The following CD247 variants were observed in gnomAD, a reference collection of about 807,000 sequenced individuals.
CD247 encodes the protein CD247 molecule.
Under a neutral mutation model 30.0 loss-of-function variants are expected in CD247, and 13 were observed. The observed-to-expected ratio is 0.43, with a 90% confidence interval of 0.28 to 0.69. The LOEUF is 0.69. Among genes scored for constraint, CD247 ranks in the 30% least tolerant of loss-of-function variants. The pLI is 0.16. For missense variants in CD247, 193 were observed against 212.6 expected (o/e 0.91, Z 0.57); for synonymous variants, 72 against 80.0 (o/e 0.90, Z 0.53).
chr1:167,436,922 T>G (rs960376686), intron 4 of CD247, among the ~76,000 whole-genome samples: 1 of 152,004 alleles, frequency 6.6e-6, no homozygotes, highest in African/African-American at 2.4e-5. Context: ...GTATTGAGGC[T>G]CCACAAAAAA....
intron 1 of CD247, chr1:167,457,240 T>TGACA (rs10522315): frequency 0.26 from 40,223 of 152,090 alleles, 6,623 homozygotes; most frequent in Middle Eastern, 0.41. Flanking sequence ...ATTTAGAGAC[T>TGACA]CTAAGTGGTT....
chr1:167,491,754 C>T (rs925212125), intron 1 of CD247, among the ~76,000 whole-genome samples: 4 of 152,012 alleles, frequency 2.6e-5, no homozygotes, highest in South Asian at 2.1e-4. Flanking sequence ...GAGCAAAATG[C>T]GGCAGATGCA....
At chr1:167,517,138 CTG>C (rs1232570404) in intron 1 of CD247, among the ~76,000 whole-genome samples, 1 of 152,232 alleles carries the variant, frequency 6.6e-6, no homozygotes, top group Non-Finnish European at 1.5e-5. Flanking sequence ...CTCTGCCACA[CTG>C]TGTGTGTGAC....
At chr1:167,449,180 T>A (rs1652244350) in intron 1 of CD247, among the ~76,000 whole-genome samples, 1 of 138,362 alleles carries the variant, frequency 7.2e-6, no homozygotes, top group African/African-American at 2.6e-5. Context: ...TGAGACAGAG[T>A]CTCGCTTTGT....
In CD247 at chr1:167,484,279, C is replaced by T. The variant is rs35048514; in HGVS notation, c.58+34129G>A. Reference sequence around the variant, plus strand: ...ACCAGCTCCCTGCCCATCTTCCTTCCCTCTGTTTCCTCCTCTTCCCTATAG... The same window carrying T: ...ACCAGCTCCCTGCCCATCTTCCTTCTCTCTGTTTCCTCCTCTTCCCTATAG... On this transcript the variant is annotated intron_variant, in intron 1 of 7. Transcript: ENST00000362089. Among the ~76,000 whole-genome samples the T allele has an allele frequency of 5.4e-3, 817 of 152,300 alleles. 5 individuals are homozygous for T. Among genetic ancestry groups the T allele is most frequent in the African/African-American group, 0.019 (791 of 41,558 alleles).
intron 4 of CD247, among the ~76,000 whole-genome samples, chr1:167,438,046 G>T (rs1020784529): frequency 6.6e-6 from 1 of 151,736 alleles, no homozygotes; most frequent in African/African-American, 2.4e-5. Context: ...AAGGAAGGAA[G>T]GAAGGAAATC....
chr1:167,470,483 C>T lies in CD247; in HGVS notation c.59-29716G>A, dbSNP rs1462592389. Among the ~76,000 whole-genome samples, 2 of 91,454 alleles carry T rather than the reference C, an allele frequency of 2.2e-5. 1 individual carries two copies. Among genetic ancestry groups the T allele is most frequent in the Admixed American group, 2.7e-4 (2 of 7,384 alleles). 60.0% of individuals were successfully genotyped at this position (91,454 alleles called of 152,430 possible). On this transcript the variant is annotated intron_variant, in intron 1 of 7. Transcript: ENST00000362089. ...ATTTCCTATATGACTTTTGGGCTTA[C>T]AGAAGTAAAAATGTTAATTGTAAAA...
At chr1:167,511,064 T>C (rs1233658631) in intron 1 of CD247, among the ~76,000 whole-genome samples, 1 of 152,242 alleles carries the variant, frequency 6.6e-6, no homozygotes, top group Non-Finnish European at 1.5e-5. Flanking sequence ...GCACCGAGCC[T>C]GCAGGTGAAC....
At chr1:167,495,051 T>C (rs1196168553) in intron 1 of CD247, among the ~76,000 whole-genome samples, 1 of 152,232 alleles carries the variant, frequency 6.6e-6, no homozygotes, top group African/African-American at 2.4e-5. Context: ...CCCAGGTGGC[T>C]GCCTGGAAGA....
In CD247 at chr1:167,431,329, G is replaced by A. The variant is rs1305070864; in HGVS notation, c.*352C>T. ...CATTAGGGCATGTGCTAGCATCTGC[G>A]CTTTCTCTGGGGACTTTACAAAACA... On this transcript the variant is annotated 3_prime_UTR_variant, in exon 8 of 8. Coordinates refer to ENST00000362089, the MANE Select transcript of CD247 (RefSeq NM_198053.3). The A allele has an allele frequency of 3.4e-5, 20 of 588,638 alleles. No individual in the cohort carries two copies. The highest frequency in any genetic ancestry group is 2.5e-4 in the East Asian group (9 of 36,252). The allele number at this position is 588,638 out of a possible 1,614,324, so 36.5% of individuals were successfully genotyped here. A position where few individuals can be genotyped will look rare whatever the true frequency, so the allele number is the denominator to read the frequency against.
intron 2 of CD247, 42 bp from the exon 3 acceptor site, chr1:167,439,442 C>A: frequency 6.2e-7 from 1 of 1,601,206 alleles, no homozygotes; most frequent in Non-Finnish European, 8.6e-7. Context: ...TCCGCGAGGG[C>A]GCGCAGGGGA....
At chr1:167,510,193 T>C (rs1655329204) in intron 1 of CD247, among the ~76,000 whole-genome samples, 1 of 151,954 alleles carries the variant, frequency 6.6e-6, no homozygotes, top group South Asian at 2.1e-4. Context: ...ACAAAATCAC[T>C]CACTGCTGCA....
intron 1 of CD247, among the ~76,000 whole-genome samples, chr1:167,479,914 A>C (rs1461309654): frequency 1.3e-5 from 2 of 152,152 alleles, no homozygotes; most frequent in Non-Finnish European, 2.9e-5. Flanking sequence ...CTTTGGCATG[A>C]GCTTCGTGAC....
Position 167,475,990 on chromosome 1 carries a change from GTA to G in CD247, c.59-35225_59-35224del, listed in dbSNP as rs533712434. Among the ~76,000 whole-genome samples, 193 of 152,162 alleles carry G rather than the reference GTA, an allele frequency of 1.3e-3. 1 individual carries two copies. Among genetic ancestry groups the G allele is most frequent in the African/African-American group, 4.6e-3 (190 of 41,488 alleles). On this transcript the variant is annotated intron_variant, in intron 1 of 7. Coordinates refer to ENST00000362089, the MANE Select transcript of CD247 (RefSeq NM_198053.3). Reference sequence around the variant, plus strand: ...TTGTAGGAGGGATAATGGTAGTATAGTATATATTTTTTTTCTTTAAAGGGTGC... The same window carrying G: ...TTGTAGGAGGGATAATGGTAGTATAGTATATTTTTTTTCTTTAAAGGGTGC...
intron 1 of CD247, among the ~76,000 whole-genome samples, chr1:167,455,262 C>T (rs1338669614): frequency 6.6e-6 from 1 of 152,252 alleles, no homozygotes; most frequent in Non-Finnish European, 1.5e-5. Context: ...CTCACGCCGC[C>T]TCTCCGCCCT....
chr1:167,493,948 C>A (rs1046373913), intron 1 of CD247, among the ~76,000 whole-genome samples: 4 of 152,188 alleles, frequency 2.6e-5, no homozygotes, highest in Non-Finnish European at 4.4e-5. Context: ...ACCCAAAATA[C>A]CCTATATGCT....
At chr1:167,463,640 C>G (rs1363081328) in intron 1 of CD247, among the ~76,000 whole-genome samples, 1 of 152,188 alleles carries the variant, frequency 6.6e-6, no homozygotes, top group Non-Finnish European at 1.5e-5. Context: ...TAATTTATTA[C>G]TTGGACACCA....
intron 1 of CD247, among the ~76,000 whole-genome samples, chr1:167,443,856 C>T (rs199720174): frequency 1.3e-5 from 2 of 152,278 alleles, no homozygotes; most frequent in African/African-American, 2.4e-5. Flanking sequence ...CTCCTCTCCT[C>T]GGTCCCACTA....
chr1:167,500,595 C>A (rs1349559971), intron 1 of CD247, among the ~76,000 whole-genome samples: 1 of 152,164 alleles, frequency 6.6e-6, no homozygotes, highest in Non-Finnish European at 1.5e-5. Flanking sequence ...CACCCCCCTA[C>A]ACACACACCC....
Sources: gnomAD v4.1 joint callset for allele counts (sites outside exome capture counted in the v4.1 genomes callset) on GRCh38, gnomAD v4.1.1 for gene constraint, MANE v1.5 for transcripts, NCBI Gene and HGNC (gene_info 2026-07-23, HGNC 2026-07-21) for gene names.